AHCY: variants seen among roughly 807,000 people sequenced by gnomAD.
AHCY encodes the protein S-adenosyl-L-homocysteine hydrolase.
AHCY carries 24 observed loss-of-function variants against 45.4 expected under a neutral mutation model. The ratio of observed to expected loss-of-function variants is 0.53; its 90% CI spans 0.38 to 0.74. The LOEUF (loss-of-function observed/expected upper bound fraction) is 0.74. AHCY is among the 30% of genes least tolerant of loss of function. AHCY has a pLI of 0.00. For missense variants in AHCY, 449 were observed against 594.1 expected (o/e 0.76, Z 2.54); for synonymous variants, 245 against 235.1 (o/e 1.04, Z -0.39).
chr20:34,239,670 A>G, the AHCY span, among the ~76,000 whole-genome samples: 2 of 152,342 alleles, frequency 1.3e-5, no homozygotes, highest in East Asian at 3.9e-4. Flanking sequence ...GTCCAAGATC[A>G]GAGAGAAAGT....
At chr20:34,236,899 A>C in the AHCY span, among the ~76,000 whole-genome samples, 4 of 152,244 alleles carry the variant, frequency 2.6e-5, no homozygotes, top group Non-Finnish European at 5.9e-5. Context: ...GTTAGGTAAG[A>C]GTCTAACTTC....
intron 2 of AHCY, among the ~76,000 whole-genome samples, chr20:34,294,362 AC>A (rs2036504412): frequency 6.6e-6 from 1 of 152,056 alleles, no homozygotes; most frequent in South Asian, 2.1e-4. Flanking sequence ...TTAAAACCTC[AC>A]TCCAGTGCTG....
At chr20:34,296,940 G>A (rs1033948319) in intron 1 of AHCY, among the ~76,000 whole-genome samples, 10 of 152,024 alleles carry the variant, frequency 6.6e-5, no homozygotes, top group Admixed American at 6.6e-5. Context: ...AGACCACTCC[G>A]GCTGTGCCTC....
At position 34,299,971 on chromosome 20, in the gene AHCY, G is replaced by A. The variant is rs1601682631; in HGVS notation, c.28+3272C>T. The stretch of plus-strand genomic sequence containing the variant: ...AGGCCAAGGTGGGCGGATCACCCGA[G>A]GTCAGAAGTTCGAGAGCAGCCTGGC... On this transcript the variant is annotated intron_variant, in intron 1 of 9. Coordinates refer to ENST00000217426, the MANE Select transcript of AHCY (RefSeq NM_000687.4). Among the ~76,000 whole-genome samples, 3 of 152,140 alleles carry A rather than the reference G, an allele frequency of 2.0e-5. No homozygotes were observed. In the South Asian group the frequency reaches 6.2e-4, roughly 32 times the overall value.
At chr20:34,235,962 A>AGGGAGGGAGGGAGGAAGGAAGG in the AHCY span, among the ~76,000 whole-genome samples, 1 of 83,802 alleles carries the variant, frequency 1.2e-5, no homozygotes, top group African/African-American at 2.6e-4. Context: ...GGAAGGAAGG[A>AGGGAGGGAGGGAGGAAGGAAGG]AGGAGGGAGG....
the AHCY span, among the ~76,000 whole-genome samples, chr20:34,233,390 G>A: frequency 6.6e-6 from 1 of 151,908 alleles, no homozygotes; most frequent in Admixed American, 6.6e-5. Context: ...CTCATGATCT[G>A]CCCACCTCGG....
the AHCY span, among the ~76,000 whole-genome samples, chr20:34,232,407 G>A: frequency 2.0e-5 from 3 of 152,150 alleles, no homozygotes; most frequent in African/African-American, 7.2e-5. Context: ...ATGCCATTCT[G>A]TAGGCCACTT....
chr20:34,303,293 A>G lies in AHCY; in HGVS notation c.-23T>C, dbSNP rs1406248189. Reference sequence around the variant, plus strand: ...CATGCTGGCGGCACTCGTGATGGAAACGGGCGAAGGGGGCTGGGCCTCAGT... The same window carrying G: ...CATGCTGGCGGCACTCGTGATGGAAGCGGGCGAAGGGGGCTGGGCCTCAGT... On this transcript the variant is annotated 5_prime_UTR_variant, in exon 1 of 10. Transcript: ENST00000217426. 3.9e-6 allele frequency: 6 copies of G among 1,551,612 alleles called. No individual in the cohort carries two copies. The highest frequency in any genetic ancestry group is 5.2e-6 in the Non-Finnish European group (6 of 1,147,006).
At chr20:34,278,208 A>C (rs1290524099), downstream of AHCY, among the ~76,000 whole-genome samples, 3 of 152,168 alleles carry the variant, frequency 2.0e-5, no homozygotes, top group Non-Finnish European at 2.9e-5. Flanking sequence ...ATGTGAAAAG[A>C]GGGGCTGTGT....
At chr20:34,238,195 A>T in the AHCY span, among the ~76,000 whole-genome samples, 3 of 152,046 alleles carry the variant, frequency 2.0e-5, no homozygotes, top group Non-Finnish European at 1.5e-5. Flanking sequence ...CTTTAATCAA[A>T]CTTTGGAAGT....
downstream of AHCY, among the ~76,000 whole-genome samples, chr20:34,278,864 T>C (rs1171947588): frequency 6.6e-6 from 1 of 151,852 alleles, no homozygotes; most frequent in African/African-American, 2.4e-5. Flanking sequence ...ATCCCAGCAC[T>C]TTGGGAAGCT....
chr20:34,240,160 G>GA, the AHCY span, among the ~76,000 whole-genome samples: 1 of 152,156 alleles, frequency 6.6e-6, no homozygotes, highest in Non-Finnish European at 1.5e-5. Flanking sequence ...GAAAAAAAGA[G>GA]AAAAAAGAAG....
chr20:34,246,705 ACCT>A, the AHCY span, among the ~76,000 whole-genome samples: 1 of 152,160 alleles, frequency 6.6e-6, no homozygotes, highest in East Asian at 1.9e-4. Flanking sequence ...TGATCTGCCC[ACCT>A]CAGCCTCCCA....
the AHCY span, among the ~76,000 whole-genome samples, chr20:34,247,482 T>G: frequency 6.6e-6 from 1 of 151,726 alleles, no homozygotes; most frequent in African/African-American, 2.4e-5. Context: ...TGTATTTTTG[T>G]AGAGACGAGG....
rs944773418 is a variant in AHCY, at chr20:34,290,020, G to A, written c.972+312C>T. Among the ~76,000 whole-genome samples the A allele has an allele frequency of 1.3e-5, 2 of 152,140 alleles. No homozygotes were observed. Among genetic ancestry groups the A allele is most frequent in the African/African-American group, 4.8e-5 (2 of 41,430 alleles). ...TGAGGCTGCCATCATCCCCTGCAGG[G>A]ATTCTACGAGCCTCCTCTAAAAGCC... On this transcript the variant is annotated intron_variant, in intron 8 of 9. Transcript: ENST00000217426. The surrounding 1 kb of genome is among the most constrained non-coding windows in gnomAD (Gnocchi z 4.5).
the AHCY span, among the ~76,000 whole-genome samples, chr20:34,263,712 AG>A: frequency 6.9e-6 from 1 of 145,400 alleles, no homozygotes; most frequent in Non-Finnish European, 1.5e-5. Context: ...CTCGTTGCCC[AG>A]GCCAGAGTTC....
chr20:34,301,763 T>C (rs1454773878), intron 1 of AHCY: 7 of 966,682 alleles, frequency 7.2e-6, no homozygotes, highest in Non-Finnish European at 8.6e-6. Flanking sequence ...ATAACCTTTC[T>C]GGGTTCAGTT....
intron 9 of AHCY, among the ~76,000 whole-genome samples, chr20:34,281,948 CA>C (rs2036017993): frequency 6.6e-6 from 1 of 152,236 alleles, no homozygotes; most frequent in Non-Finnish European, 1.5e-5. Flanking sequence ...CTCAGCCTCC[CA>C]AAGTGCTGGG....
chr20:34,303,412 C>G, upstream of AHCY: 5 of 1,252,572 alleles, frequency 4.0e-6, no homozygotes, highest in Non-Finnish European at 4.5e-6. Flanking sequence ...ATATTCATGA[C>G]CCGCTGGGGC....
Sources: gnomAD v4.1 joint callset for allele counts (sites outside exome capture counted in the v4.1 genomes callset) on GRCh38, gnomAD v4.1.1 for gene constraint, Gnocchi (gnomAD v3.1) non-coding constraint, MANE v1.5 for transcripts, NCBI Gene and HGNC (gene_info 2026-07-23, HGNC 2026-07-21) for gene names.